Variants in COX5A observed in about 807,000 individuals in gnomAD.
COX5A encodes the protein cytochrome c oxidase subunit 5A, mitochondrial.
COX5A carries 6 observed loss-of-function variants against 16.1 expected under a neutral mutation model. That is an observed-to-expected ratio of 0.37 (90% CI 0.20 to 0.73). The LOEUF (loss-of-function observed/expected upper bound fraction) is 0.73, where lower values mean the gene tolerates loss of function less well. Among genes scored for constraint, COX5A ranks in the 30% least tolerant of loss-of-function variants. The probability of loss-of-function intolerance (pLI) is 0.50; values close to 1 mark genes in which losing one functional copy is unlikely to be tolerated. For synonymous variants in COX5A, 73 were observed against 73.8 expected, an observed-to-expected ratio of 0.99 and a Z score of 0.06; for missense variants, 159 against 194.9, an observed-to-expected ratio of 0.82 and a Z score of 1.10.
Position 74,929,154 on chromosome 15 carries a change from A to G in COX5A, c.179T>C (p.Phe60Ser), listed in dbSNP as rs2065355771. The change falls in exon 2 of 5, where the codon TTC (phenylalanine) becomes TCC (serine). Residue 60 changes from phenylalanine (F) to serine (S), a missense_variant. Coordinates refer to ENST00000322347, the MANE Select transcript of COX5A (RefSeq NM_004255.4). Reference sequence around the variant, plus strand: ...CCAGGCATCTATATCTGGCTTGTTGAAGTATGTTACCCAGCGAGCATCAAA... The same window carrying G: ...CCAGGCATCTATATCTGGCTTGTTGGAGTATGTTACCCAGCGAGCATCAAA... Reference protein sequence around the residue: ...EEFDARWVTYFNKPDIDAWEL... With the variant: ...EEFDARWVTYSNKPDIDAWEL... 6.2e-7 allele frequency: 1 copy of G among 1,614,020 alleles called. No homozygotes were observed. Among genetic ancestry groups the G allele is most frequent in the Non-Finnish European group, 8.5e-7 (1 of 1,179,890 alleles).
intron 1 of COX5A, among the ~76,000 whole-genome samples, chr15:74,934,816 T>C (rs188635658): frequency 5.3e-4 from 81 of 152,038 alleles, no homozygotes; most frequent in Admixed American, 9.2e-4. Flanking sequence ...AGGCAAATTA[T>C]TTTGGAAAAC....
chr15:74,920,149 C>T lies in COX5A; in HGVS notation c.*303G>A, dbSNP rs1463146658. ...CAAACATATTAATGAAGCTGATTTT[C>T]ATGTCAGATGGTTTCCAGAGAATTA... On this transcript the variant is annotated 3_prime_UTR_variant, in exon 5 of 5. Transcript: ENST00000322347. 4.0e-6 allele frequency: 2 copies of T among 497,424 alleles called. No homozygotes were observed. Among genetic ancestry groups the T allele is most frequent in the Non-Finnish European group, 6.9e-6 (2 of 288,788 alleles). The allele number at this position is 497,424 out of a possible 1,614,324, so 30.8% of individuals were successfully genotyped here.
At chr15:74,922,299 C>A (rs903192868) in intron 4 of COX5A, among the ~76,000 whole-genome samples, 4 of 151,006 alleles carry the variant, frequency 2.6e-5, no homozygotes, top group African/African-American at 7.3e-5. Flanking sequence ...GTACAAGAAT[C>A]GGCTTGAACC....
At chr15:74,921,322 G>A (rs934172799) in intron 4 of COX5A, among the ~76,000 whole-genome samples, 3 of 150,010 alleles carry the variant, frequency 2.0e-5, no homozygotes, top group Admixed American at 6.7e-5. Context: ...GCAGAAGAAT[G>A]GCGTGAACCT....
Position 74,920,141 on chromosome 15 carries a change from C to G in COX5A, c.*311G>C. The G allele has an allele frequency of 2.0e-6, 1 of 492,474 alleles. No individual in the cohort carries two copies. The highest frequency in any genetic ancestry group is 3.5e-6 in the Non-Finnish European group (1 of 285,624). 30.5% of individuals were successfully genotyped at this position (492,474 alleles called of 1,614,324 possible). ...AGGGCACCCAAACATATTAATGAAG[C>G]TGATTTTCATGTCAGATGGTTTCCA... On this transcript the variant is annotated 3_prime_UTR_variant, in exon 5 of 5. Transcript: ENST00000322347.
chr15:74,922,647 T>G (rs2065326265), intron 4 of COX5A, among the ~76,000 whole-genome samples: 1 of 150,814 alleles, frequency 6.6e-6, no homozygotes, highest in African/African-American at 2.4e-5. Context: ...GAGCCATTGC[T>G]GCCAGCCAAG....
intron 3 of COX5A, 88 bp from the exon 4 acceptor site, chr15:74,923,858 C>CCT: frequency 1.2e-6 from 1 of 829,880 alleles, no homozygotes. Flanking sequence ...CCTTTAATTA[C>CCT]TTATGCAGAG....
At chr15:74,929,343 G>A in intron 1 of COX5A, 111 bp from the exon 2 acceptor site, 1 of 705,616 alleles carries the variant, frequency 1.4e-6, no homozygotes, top group South Asian at 1.6e-5. Context: ...CAAAAATATT[G>A]AACAGGTCAA....
intron 3 of COX5A, 46 bp downstream of exon 3, chr15:74,926,720 A>G (rs781059950): frequency 6.3e-6 from 10 of 1,575,520 alleles, no homozygotes; most frequent in Non-Finnish European, 7.8e-6. Context: ...CCTCAGCAAT[A>G]GCCCACTCAT....
chr15:74,937,304 C>T (rs138929859), intron 1 of COX5A, among the ~76,000 whole-genome samples: 1 of 152,136 alleles, frequency 6.6e-6, no homozygotes, highest in East Asian at 1.9e-4. Context: ...TTATCATAAG[C>T]CCTATCAAAA....
At chr15:74,927,208 G>A (rs942270966) in intron 2 of COX5A, among the ~76,000 whole-genome samples, 1 of 151,792 alleles carries the variant, frequency 6.6e-6, no homozygotes, top group Non-Finnish European at 1.5e-5. Flanking sequence ...ATGGAGTCTT[G>A]CTCTGTCACC....
chr15:74,937,822 C>T, intron 1 of COX5A, 93 bp downstream of exon 1: 1 of 791,894 alleles, frequency 1.3e-6, no homozygotes, highest in Non-Finnish European at 1.7e-6. Flanking sequence ...AGGGCAAGGG[C>T]TAGGCCGGGG....
Position 74,924,964 on chromosome 15 carries a change from G to A in COX5A, c.340-1194C>T, listed in dbSNP as rs910894907. ...TGTCCAGGGCTGGAGACTTTTCACT[G>A]TAATATATAGTTACACCTGTGCTGT... On this transcript the variant is annotated intron_variant, in intron 3 of 4. Transcript: ENST00000322347. Among the ~76,000 whole-genome samples, 8 of 152,196 alleles carry A rather than the reference G, an allele frequency of 5.3e-5. 1 individual carries two copies. Among genetic ancestry groups the A allele is most frequent in the Admixed American group, 5.2e-4 (8 of 15,262 alleles).
chr15:74,930,242 A>T (rs2065360830), intron 1 of COX5A, among the ~76,000 whole-genome samples: 2 of 151,068 alleles, frequency 1.3e-5, no homozygotes, highest in Admixed American at 1.3e-4. Flanking sequence ...ACATGGTGAA[A>T]CCCCATCTCT....
intron 1 of COX5A, among the ~76,000 whole-genome samples, chr15:74,934,377 C>T (rs1248420289): frequency 6.6e-6 from 1 of 151,222 alleles, no homozygotes; most frequent in Non-Finnish European, 1.5e-5. Context: ...GTCGCCCAGG[C>T]GGGAGTGCAG....
At chr15:74,926,332 G>A (rs1350659761) in intron 3 of COX5A, among the ~76,000 whole-genome samples, 1 of 151,280 alleles carries the variant, frequency 6.6e-6, no homozygotes, top group Non-Finnish European at 1.5e-5. Context: ...GAGCCACCGC[G>A]CCTGGCCTAA....
chr15:74,922,300 G>A (rs915689567), intron 4 of COX5A, among the ~76,000 whole-genome samples: 4 of 151,732 alleles, frequency 2.6e-5, no homozygotes, highest in African/African-American at 9.7e-5. Flanking sequence ...TACAAGAATC[G>A]GCTTGAACCC....
chr15:74,931,370 G>A (rs1229877675), intron 1 of COX5A, among the ~76,000 whole-genome samples: 2 of 151,774 alleles, frequency 1.3e-5, no homozygotes, highest in Admixed American at 6.6e-5. Context: ...GCGTGATGAC[G>A]GGCGCCTGTA....
chr15:74,931,424 C>T (rs2065366951), intron 1 of COX5A, among the ~76,000 whole-genome samples: 1 of 151,988 alleles, frequency 6.6e-6, no homozygotes, highest in East Asian at 1.9e-4. Flanking sequence ...TCACTCGAAC[C>T]CAGGAGGCGG....
Sources: gnomAD v4.1 joint callset for allele counts (sites outside exome capture counted in the v4.1 genomes callset) on GRCh38, gnomAD v4.1.1 for gene constraint, MANE v1.5 for transcripts, NCBI Gene and HGNC (gene_info 2026-07-23, HGNC 2026-07-21) for gene names.